The following HPGD variants were observed in gnomAD, a reference collection of about 807,000 sequenced individuals.
HPGD encodes the protein 15-hydroxyprostaglandin dehydrogenase, also known as 15-hydroxyprostaglandin dehydrogenase [NAD(+)].
In HPGD, 29 loss-of-function variants were observed where a neutral mutation model predicts 30.0. That is an observed-to-expected ratio of 0.97 (90% confidence interval 0.72 to 1.32). The LOEUF is 1.32. Among genes scored for constraint, HPGD ranks in the 40% most tolerant of loss-of-function variants. The pLI, the probability that HPGD is intolerant of heterozygous loss-of-function variation, is 0.00. For synonymous variants in HPGD, 99 were observed against 112.4 expected (o/e 0.88, Z 0.75); for missense variants, 340 against 322.1 (o/e 1.06, Z -0.43).
chr4:174,510,231 G>A (rs1244860164), intron 3 of HPGD, among the ~76,000 whole-genome samples: 2 of 151,998 alleles, frequency 1.3e-5, no homozygotes, highest in Non-Finnish European at 2.9e-5. Context: ...GAACAAAAAA[G>A]GAAATTGGAG....
chr4:174,497,750 G>T (rs1282591452), intron 4 of HPGD, among the ~76,000 whole-genome samples: 2 of 151,062 alleles, frequency 1.3e-5, no homozygotes, highest in African/African-American at 2.4e-5. Flanking sequence ...GCTAATTTTT[G>T]TATTTTTAGT....
At chr4:174,506,769 C>A (rs549567069) in intron 4 of HPGD, 1 of 152,306 alleles carries the variant, frequency 6.6e-6, no homozygotes, top group African/African-American at 2.4e-5. Flanking sequence ...TTTATTCATG[C>A]TCTTTGGGGC....
At chr4:174,511,141 C>G (rs1207617661) in intron 3 of HPGD, among the ~76,000 whole-genome samples, 1 of 151,520 alleles carries the variant, frequency 6.6e-6, no homozygotes, top group Non-Finnish European at 1.5e-5. Context: ...AGAGTCAAGA[C>G]TGGATTCTAA....
chr4:174,516,946 T>G, intron 3 of HPGD, among the ~76,000 whole-genome samples: 1 of 152,284 alleles, frequency 6.6e-6, no homozygotes, highest in East Asian at 1.9e-4. Context: ...GTTCTTGTTT[T>G]TATGGAGTTT....
At chr4:174,517,839 G>T in intron 3 of HPGD, 132 bp downstream of exon 3, 1 of 592,570 alleles carries the variant, frequency 1.7e-6, no homozygotes, top group Non-Finnish European at 3.0e-6. Flanking sequence ...CTTTTATCCA[G>T]CTTTCTGTAA....
rs1734594509 is a variant in HPGD, at chr4:174,496,328, C to G, written c.422-704G>C. ...GAATGTTTTATTTTGTAATTTTCCA[C>G]ATATGCACAACAGTAACTGATTAAA... On this transcript the variant is annotated intron_variant, in intron 4 of 6. Transcript: ENST00000296522. This position sits in a 1 kb window ranked among gnomAD's most constrained non-coding sequence, Gnocchi z 4.6. 6.6e-6 allele frequency among the ~76,000 whole-genome samples: 1 copy of G among 152,082 alleles called. No homozygotes were observed. Among genetic ancestry groups the G allele is most frequent in the Non-Finnish European group, 1.5e-5 (1 of 68,004 alleles).
chr4:174,511,235 A>G (rs1463170104), intron 3 of HPGD, among the ~76,000 whole-genome samples: 1 of 151,870 alleles, frequency 6.6e-6, no homozygotes, highest in East Asian at 1.9e-4. Context: ...AAAAATGACT[A>G]GCAACATTCA....
At chr4:174,498,555 T>C (rs1044003587) in intron 4 of HPGD, among the ~76,000 whole-genome samples, 1 of 152,200 alleles carries the variant, frequency 6.6e-6, no homozygotes, top group Non-Finnish European at 1.5e-5. Flanking sequence ...TACTATACTT[T>C]GCATTTTCTA....
intron 2 of HPGD, among the ~76,000 whole-genome samples, chr4:174,518,573 T>C (rs1443504658): frequency 6.6e-6 from 1 of 152,234 alleles, no homozygotes; most frequent in Admixed American, 6.5e-5. Flanking sequence ...TATTCTTGTG[T>C]ATTCAGATCT....
At chr4:174,515,974 A>T (rs1330371515) in intron 3 of HPGD, among the ~76,000 whole-genome samples, 1 of 152,080 alleles carries the variant, frequency 6.6e-6, no homozygotes, top group Non-Finnish European at 1.5e-5. Context: ...AAGAAGTAAA[A>T]AATAAATAAA....
intron 3 of HPGD, among the ~76,000 whole-genome samples, chr4:174,517,076 G>T (rs1481974616): frequency 6.6e-6 from 1 of 152,158 alleles, no homozygotes; most frequent in Non-Finnish European, 1.5e-5. Context: ...AATGACCTTA[G>T]CAAGGTCAGG....
chr4:174,507,684 C>T, intron 4 of HPGD: 1 of 155,324 alleles, frequency 6.4e-6, no homozygotes, highest in Non-Finnish European at 1.4e-5. Flanking sequence ...TTAAACTTCA[C>T]AATTTCACTT....
At chr4:174,493,519 A>AT (rs993505196) in intron 5 of HPGD, 18 of 514,436 alleles carry the variant, frequency 3.5e-5, no homozygotes, top group African/African-American at 7.7e-5. Flanking sequence ...CACCTAATTA[A>AT]TTTTTTTTAA....
chr4:174,501,828 T>A (rs575040813), intron 4 of HPGD, among the ~76,000 whole-genome samples: 1 of 152,178 alleles, frequency 6.6e-6, no homozygotes, highest in African/African-American at 2.4e-5. Context: ...GTTCTTCTAT[T>A]CTTCATAATC....
At chr4:174,519,039 A>G (rs187902101) in intron 2 of HPGD, among the ~76,000 whole-genome samples, 60 of 152,330 alleles carry the variant, frequency 3.9e-4, no homozygotes, top group African/African-American at 1.2e-3. Context: ...ATAAATTCAT[A>G]TAATCATTAA....
intron 2 of HPGD, among the ~76,000 whole-genome samples, chr4:174,519,877 A>C (rs760528538): frequency 4.9e-4 from 74 of 152,236 alleles, no homozygotes; most frequent in Non-Finnish European, 7.4e-4. Flanking sequence ...CACAGACGCG[A>C]GTGAAAGTCT....
At chr4:174,509,375 GATTA>G (rs1202382387) in intron 3 of HPGD, among the ~76,000 whole-genome samples, 1 of 152,054 alleles carries the variant, frequency 6.6e-6, no homozygotes, top group Non-Finnish European at 1.5e-5. Flanking sequence ...TGTAGACACT[GATTA>G]ATTAATTTAA....
chr4:174,521,259 GTTTA>G (rs1736094289), intron 2 of HPGD, among the ~76,000 whole-genome samples: 1 of 151,748 alleles, frequency 6.6e-6, no homozygotes, highest in Admixed American at 6.6e-5. Flanking sequence ...AATCAAAGCT[GTTTA>G]TTGTGTATGC....
rs149029386 is a variant in HPGD at position 174,495,819 on chromosome 4, C to T, written c.422-195G>A. On this transcript the variant is annotated intron_variant, in intron 4 of 6. Coordinates refer to ENST00000296522, the MANE Select transcript of HPGD (RefSeq NM_000860.6). ...AGTTTATTTGCTCCATGACCCGTGTCGTCCAGAATTTATAGTAGCTAAGTT... is the reference window on the plus strand; with the variant it reads ...AGTTTATTTGCTCCATGACCCGTGTTGTCCAGAATTTATAGTAGCTAAGTT... The T allele has an allele frequency of 2.8e-4, 168 of 594,854 alleles. No individual in the cohort carries two copies. In the African/African-American group the frequency reaches 2.9e-3, roughly 10 times the overall value. The allele number at this position is 594,854 out of a possible 1,614,324, so 36.8% of individuals were successfully genotyped here. A position where few individuals can be genotyped will look rare whatever the true frequency, so the allele number is the denominator to read the frequency against.
Sources: gnomAD v4.1 joint callset for allele counts (sites outside exome capture counted in the v4.1 genomes callset) on GRCh38, gnomAD v4.1.1 for gene constraint, Gnocchi (gnomAD v3.1) non-coding constraint, MANE v1.5 for transcripts, NCBI Gene and HGNC (gene_info 2026-07-23, HGNC 2026-07-21) for gene names.